Variants in FMN2 observed in about 807,000 individuals in gnomAD.
FMN2 encodes the protein formin-2.
A neutral mutation model predicts 142.3 loss-of-function variants in FMN2; 51 were observed. The ratio of observed to expected loss-of-function variants is 0.36; its 90% CI spans 0.29 to 0.45. The LOEUF (loss-of-function observed/expected upper bound fraction) is 0.45, where lower values mean the gene tolerates loss of function less well. FMN2 is among the 20% of genes least tolerant of loss of function. The probability of loss-of-function intolerance (pLI) is 1.00; values close to 1 mark genes in which losing one functional copy is unlikely to be tolerated. For missense variants in FMN2, 1,936 were observed against 2,122.8 expected (o/e 0.91, Z 1.73); for synonymous variants, 882 against 869.8 (o/e 1.01, Z -0.25).
chr1:240,471,140 G>A (rs1676792654), intron 16 of FMN2, among the ~76,000 whole-genome samples: 1 of 152,102 alleles, frequency 6.6e-6, no homozygotes, highest in Admixed American at 6.5e-5. Context: ...TCAGTTCAAT[G>A]TTGTTTTCCT....
intron 2 of FMN2, among the ~76,000 whole-genome samples, chr1:240,137,981 C>T (rs528368475): frequency 1.3e-5 from 2 of 149,106 alleles, no homozygotes; most frequent in Admixed American, 6.7e-5. Flanking sequence ...AGGAGAATCC[C>T]TTGAATCCGG....
intron 8 of FMN2, among the ~76,000 whole-genome samples, chr1:240,319,382 A>G (rs369096614): frequency 1.3e-5 from 2 of 152,314 alleles, no homozygotes; most frequent in Middle Eastern, 3.4e-3. Context: ...ATCCCTTAGA[A>G]CACTGGTTCC....
chr1:240,132,141 A>G (rs1413005561), intron 2 of FMN2, among the ~76,000 whole-genome samples: 3 of 152,188 alleles, frequency 2.0e-5, no homozygotes, highest in Non-Finnish European at 4.4e-5. Context: ...ATACTGTACT[A>G]AAGAGTTAGA....
chr1:240,226,823 CA>C (rs1667321072), intron 6 of FMN2, among the ~76,000 whole-genome samples: 1 of 151,730 alleles, frequency 6.6e-6, no homozygotes, highest in Admixed American at 6.6e-5. Context: ...CACACACACA[CA>C]CACACACACA....
At chr1:240,212,776 G>A (rs1666742643) in intron 6 of FMN2, among the ~76,000 whole-genome samples, 1 of 152,154 alleles carries the variant, frequency 6.6e-6, no homozygotes. Flanking sequence ...AAATCTGTCT[G>A]GGCGAGGAAT....
At chr1:240,156,525 A>G (rs550791446) in intron 2 of FMN2, among the ~76,000 whole-genome samples, 5 of 152,322 alleles carry the variant, frequency 3.3e-5, no homozygotes, top group Admixed American at 2.0e-4. Flanking sequence ...TGGTTCCAGT[A>G]ACGCTGTGAA....
intron 7 of FMN2, among the ~76,000 whole-genome samples, chr1:240,283,350 T>C (rs770123702): frequency 1.3e-5 from 2 of 152,180 alleles, no homozygotes; most frequent in Non-Finnish European, 2.9e-5. Context: ...CATTACTATT[T>C]AGAGGCTCAT....
intron 4 of FMN2, among the ~76,000 whole-genome samples, chr1:240,204,032 A>T (rs1004580032): frequency 5.3e-5 from 8 of 152,162 alleles, no homozygotes; most frequent in African/African-American, 1.7e-4. Context: ...CCTGAATAAC[A>T]TATAAATTCT....
intron 6 of FMN2, among the ~76,000 whole-genome samples, chr1:240,256,359 G>C (rs1278020116): frequency 6.6e-6 from 1 of 152,082 alleles, no homozygotes; most frequent in African/African-American, 2.4e-5. Flanking sequence ...TTAACATTTA[G>C]AATCAAAATG....
chr1:240,216,340 GCA>G (rs1171899397), intron 6 of FMN2, among the ~76,000 whole-genome samples: 1 of 152,182 alleles, frequency 6.6e-6, no homozygotes, highest in African/African-American at 2.4e-5. Flanking sequence ...ATGTAAATTT[GCA>G]CATAGAAGTC....
chr1:240,148,061 C>G lies in FMN2; in HGVS notation c.1782+24716C>G, dbSNP rs571054080. Among the ~76,000 whole-genome samples, 212 of 152,288 alleles carry G rather than the reference C, an allele frequency of 1.4e-3. 1 individual carries two copies. Among genetic ancestry groups the G allele is most frequent in the Middle Eastern group, 3.4e-3 (1 of 294 alleles). ...GCTCTGCTCATGAGAGATGCTGTGC[C>G]AGAGCTAAGCCTTGTCAACAAAACG... is the stretch of plus-strand genomic sequence containing the variant. On this transcript the variant is annotated intron_variant, in intron 2 of 17. Coordinates refer to ENST00000319653, the MANE Select transcript of FMN2 (RefSeq NM_020066.5).
At chr1:240,148,512 G>GGA (rs368426953) in intron 2 of FMN2, among the ~76,000 whole-genome samples, 1 of 150,156 alleles carries the variant, frequency 6.7e-6, no homozygotes, top group African/African-American at 2.4e-5. Flanking sequence ...AGAGAGAGAA[G>GGA]GAGAGAGAGA....
chr1:240,187,286 A>G (rs868510631), intron 3 of FMN2, among the ~76,000 whole-genome samples: 5 of 151,040 alleles, frequency 3.3e-5, no homozygotes, highest in African/African-American at 7.3e-5. Context: ...AAAAAAAAAA[A>G]AAAAAGAAAA....
chr1:240,315,675 A>T (rs1459900664), intron 8 of FMN2, among the ~76,000 whole-genome samples: 1 of 152,196 alleles, frequency 6.6e-6, no homozygotes, highest in African/African-American at 2.4e-5. Context: ...TTCTTTTGAA[A>T]GTTCTCCTCA....
intron 16 of FMN2, among the ~76,000 whole-genome samples, chr1:240,446,866 A>G (rs1490927385): frequency 6.6e-6 from 1 of 152,102 alleles, no homozygotes; most frequent in African/African-American, 2.4e-5. Flanking sequence ...GAATTTCCAC[A>G]TTCACACACT....
chr1:240,420,991 G>T (rs572203304), intron 15 of FMN2, among the ~76,000 whole-genome samples: 1 of 152,254 alleles, frequency 6.6e-6, no homozygotes, highest in African/African-American at 2.4e-5. Flanking sequence ...AGGAAGGAAG[G>T]CTGGGTGAGA....
intron 15 of FMN2, among the ~76,000 whole-genome samples, chr1:240,398,640 A>T (rs746670935): frequency 6.6e-6 from 1 of 152,196 alleles, no homozygotes; most frequent in Non-Finnish European, 1.5e-5. Flanking sequence ...CAGCAGTCCT[A>T]TGTAACCGGG....
At chr1:240,457,538 A>T (rs1047006823) in intron 16 of FMN2, 3 of 152,224 alleles carry the variant, frequency 2.0e-5, no homozygotes, top group African/African-American at 4.8e-5. Flanking sequence ...ATCAATAAAT[A>T]TACAGCGAAG....
intron 2 of FMN2, among the ~76,000 whole-genome samples, chr1:240,142,344 T>C (rs1220542739): frequency 2.0e-5 from 3 of 152,162 alleles, no homozygotes; most frequent in Non-Finnish European, 4.4e-5. Context: ...CGAGCTATTT[T>C]GAATCTGAAA....
Sources: allele counts gnomAD v4.1 joint callset (sites outside exome capture counted in the v4.1 genomes callset), GRCh38; gene constraint gnomAD v4.1.1; transcripts MANE v1.5; gene names NCBI Gene and HGNC (gene_info 2026-07-23, HGNC 2026-07-21).